Variants in CNTN3 observed in about 807,000 individuals in gnomAD.
CNTN3 encodes contactin-3.
Under a neutral mutation model 119.1 loss-of-function variants are expected in CNTN3, and 60 were observed. The observed-to-expected ratio is 0.50, with a 90% CI of 0.41 to 0.62. The LOEUF (loss-of-function observed/expected upper bound fraction) is 0.62, where lower values mean the gene tolerates loss of function less well. CNTN3 is among the 20% of genes least tolerant of loss of function. CNTN3 has a pLI of 0.00. For synonymous variants in CNTN3, 450 were observed against 438.7 expected (o/e 1.03, Z -0.32); for missense variants, 1,101 against 1,242.4 (o/e 0.89, Z 1.71).
chr3:74,497,874 A>G (rs1262374801), intron 3 of CNTN3, among the ~76,000 whole-genome samples: 1 of 151,838 alleles, frequency 6.6e-6, no homozygotes, highest in Non-Finnish European at 1.5e-5. Context: ...AATATATTTA[A>G]ATACAGACTC....
rs116809595 is a variant in CNTN3, at chr3:74,405,722, G to A, written c.454+19123C>T. 5.4e-3 allele frequency among the ~76,000 whole-genome samples: 822 copies of A among 152,006 alleles called. 11 individuals carry two copies. The highest frequency in any genetic ancestry group is 0.018 in the African/African-American group (753 of 41,498). On this transcript the variant is annotated intron_variant, in intron 5 of 22. Coordinates refer to ENST00000263665, the MANE Select transcript of CNTN3 (RefSeq NM_020872.3). ...AACTGCTGTTTCTTTCTGCATAAACGACACATACCTTTTTAAACATGTATT... is the reference window on the plus strand; with the variant it reads ...AACTGCTGTTTCTTTCTGCATAAACAACACATACCTTTTTAAACATGTATT...
intron 20 of CNTN3, among the ~76,000 whole-genome samples, chr3:74,280,267 T>G (rs1701976603): frequency 6.6e-6 from 1 of 152,232 alleles, no homozygotes; most frequent in South Asian, 2.1e-4. Flanking sequence ...GCATTTCATT[T>G]AGAAAAGCAA....
At chr3:74,439,234 T>C (rs1701920728) in intron 4 of CNTN3, among the ~76,000 whole-genome samples, 1 of 152,158 alleles carries the variant, frequency 6.6e-6, no homozygotes, top group Non-Finnish European at 1.5e-5. Context: ...AGGCTGGGTG[T>C]GGTGGCTCAT....
At chr3:74,378,744 T>C (rs1486671961) in intron 5 of CNTN3, among the ~76,000 whole-genome samples, 2 of 152,230 alleles carry the variant, frequency 1.3e-5, no homozygotes, top group Admixed American at 1.3e-4. Context: ...ATCTGGTCTT[T>C]TAAGAAAAGG....
At chr3:74,474,377 G>T (rs539036420) in intron 4 of CNTN3, among the ~76,000 whole-genome samples, 3 of 152,296 alleles carry the variant, frequency 2.0e-5, no homozygotes, top group African/African-American at 7.2e-5. Flanking sequence ...ATAAGCTTGA[G>T]ATGTCTACTG....
chr3:74,542,435 T>C (rs1703855726), intron 1 of CNTN3, among the ~76,000 whole-genome samples: 1 of 152,160 alleles, frequency 6.6e-6, no homozygotes, highest in Non-Finnish European at 1.5e-5. Context: ...ATAGTGGATT[T>C]AGTACTAGGG....
At chr3:74,313,256 T>C (rs1401039392) in intron 13 of CNTN3, among the ~76,000 whole-genome samples, 5 of 151,924 alleles carry the variant, frequency 3.3e-5, no homozygotes, top group African/African-American at 4.8e-5. Flanking sequence ...AAAAAAGCAA[T>C]TTTTGAAGCA....
At chr3:74,373,574 T>G (rs1344426664) in intron 5 of CNTN3, among the ~76,000 whole-genome samples, 1 of 152,150 alleles carries the variant, frequency 6.6e-6, no homozygotes, top group African/African-American at 2.4e-5. Context: ...ACCTAAAATC[T>G]GGTGAATTCA....
intron 2 of CNTN3, among the ~76,000 whole-genome samples, chr3:74,520,623 T>C (rs146194108): frequency 1.5e-3 from 220 of 151,668 alleles, no homozygotes; most frequent in African/African-American, 4.9e-3. Flanking sequence ...AAATTGTATC[T>C]ATATTCAGTT....
chr3:74,486,349 T>C, intron 4 of CNTN3, 107 bp downstream of exon 4: 1 of 980,676 alleles, frequency 1.0e-6, no homozygotes, highest in African/African-American at 1.6e-5. Flanking sequence ...GTCTATTTAC[T>C]GAATTAATAA....
intron 13 of CNTN3, among the ~76,000 whole-genome samples, chr3:74,319,783 T>C (rs529536140): frequency 1.3e-5 from 2 of 150,078 alleles, no homozygotes; most frequent in African/African-American, 4.9e-5. Flanking sequence ...AAAGGGCTAA[T>C]ATCCAGAATC....
intron 2 of CNTN3, among the ~76,000 whole-genome samples, chr3:74,500,117 C>G (rs1218891897): frequency 6.6e-6 from 1 of 151,938 alleles, no homozygotes; most frequent in Non-Finnish European, 1.5e-5. Flanking sequence ...CTTGTCATAG[C>G]CTTTTTGCCA....
intron 4 of CNTN3, among the ~76,000 whole-genome samples, chr3:74,437,515 T>C (rs943442750): frequency 3.9e-5 from 6 of 152,114 alleles, no homozygotes; most frequent in African/African-American, 1.4e-4. Context: ...AGTTTTGCTC[T>C]TCTAAAGTAT....
intron 1 of CNTN3, among the ~76,000 whole-genome samples, chr3:74,566,277 C>G (rs1252791311): frequency 6.6e-6 from 1 of 152,124 alleles, no homozygotes; most frequent in South Asian, 2.1e-4. Flanking sequence ...AATTTAGCAA[C>G]AGCTGAGAGC....
At chr3:74,432,718 G>A (rs764976561) in intron 4 of CNTN3, among the ~76,000 whole-genome samples, 1 of 152,100 alleles carries the variant, frequency 6.6e-6, no homozygotes, top group African/African-American at 2.4e-5. Flanking sequence ...AGTTATCTTC[G>A]GTATCAGCAT....
intron 4 of CNTN3, among the ~76,000 whole-genome samples, chr3:74,462,635 C>T (rs1702390832): frequency 1.3e-5 from 2 of 152,092 alleles, no homozygotes; most frequent in South Asian, 4.1e-4. Context: ...CTTACTAGGC[C>T]ACTTCCTCCA....
At chr3:74,407,290 C>T (rs1302297855) in intron 5 of CNTN3, among the ~76,000 whole-genome samples, 5 of 76,104 alleles carry the variant, frequency 6.6e-5, no homozygotes, top group African/African-American at 1.2e-4. Context: ...TTTTTTGAGA[C>T]GGAGTCTCAC....
chr3:74,531,208 A>G (rs1434675113), intron 1 of CNTN3, among the ~76,000 whole-genome samples: 2 of 151,980 alleles, frequency 1.3e-5, no homozygotes, highest in Admixed American at 1.3e-4. Flanking sequence ...TACATAAGAC[A>G]GGACGTTTTA....
intron 1 of CNTN3, among the ~76,000 whole-genome samples, chr3:74,605,497 A>T (rs1704977419): frequency 6.6e-6 from 1 of 152,166 alleles, no homozygotes; most frequent in African/African-American, 2.4e-5. Context: ...TAGCTTAAAC[A>T]AAGAATTTAT....
Sources: allele counts gnomAD v4.1 joint callset (sites outside exome capture counted in the v4.1 genomes callset), GRCh38; gene constraint gnomAD v4.1.1; transcripts MANE v1.5; gene names NCBI Gene and HGNC (gene_info 2026-07-23, HGNC 2026-07-21).